Variants in PIGG observed in about 807,000 individuals in gnomAD.
PIGG encodes the protein GPI ethanolamine phosphate transferase 2, catalytic subunit.
A neutral mutation model predicts 83.2 loss-of-function variants in PIGG; 70 were observed. That is an observed-to-expected ratio of 0.84 (90% CI 0.69 to 1.03). The LOEUF (loss-of-function observed/expected upper bound fraction) is 1.03. Among genes scored for constraint, PIGG ranks in the 50% least tolerant of loss-of-function variants. PIGG has a pLI of 0.00. For synonymous variants in PIGG, 532 were observed against 519.5 expected, an observed-to-expected ratio of 1.02 and a Z score of -0.33; for missense variants, 1,257 against 1,233.6, an observed-to-expected ratio of 1.02 and a Z score of -0.28.
At chr4:536,025 G>T (rs943127154) in intron 12 of PIGG, among the ~76,000 whole-genome samples, 1 of 152,234 alleles carries the variant, frequency 6.6e-6, no homozygotes, top group Non-Finnish European at 1.5e-5. Context: ...ACCCGTGCCT[G>T]CCTTTGAGCT....
At chr4:511,524 C>T (rs893120674) in intron 5 of PIGG, among the ~76,000 whole-genome samples, 4 of 152,184 alleles carry the variant, frequency 2.6e-5, no homozygotes, top group Non-Finnish European at 5.9e-5. Flanking sequence ...GCTGTGCCCC[C>T]ACCCGCCACC....
chr4:501,760 A>G (rs554766489), intron 2 of PIGG: 1 of 153,630 alleles, frequency 6.5e-6, no homozygotes, highest in East Asian at 1.9e-4. Flanking sequence ...TTGAGCATCT[A>G]CTGTGTGCCA....
chr4:537,775 C>G (rs1366323918), intron 12 of PIGG, among the ~76,000 whole-genome samples: 5 of 152,104 alleles, frequency 3.3e-5, no homozygotes, highest in African/African-American at 1.2e-4. Flanking sequence ...GAGGATGGGC[C>G]CCTCCAAGGC....
At chr4:526,903 A>G in intron 9 of PIGG, 136 bp from the exon 10 acceptor site, 1 of 992,938 alleles carries the variant, frequency 1.0e-6, no homozygotes, top group South Asian at 1.7e-5. Flanking sequence ...GAAAATAAAA[A>G]TCAACAATTT....
intron 1 of PIGG, 124 bp from the exon 2 acceptor site, chr4:500,272 G>T (rs781914279): frequency 2.3e-5 from 16 of 701,830 alleles, no homozygotes; most frequent in Non-Finnish European, 3.3e-5. Context: ...CCTCCTTTTG[G>T]GTTGGGTTAT....
Position 533,938 on chromosome 4 carries a change from T to C in PIGG, c.2692T>C (p.Trp898Arg). 8.1e-6 allele frequency: 13 copies of C among 1,614,170 alleles called. No individual in the cohort carries two copies. The highest frequency in any genetic ancestry group is 1.1e-5 in the Non-Finnish European group (13 of 1,180,014). The change falls in exon 12 of 13, where the codon TGG (tryptophan) becomes CGG (arginine). Residue 898 changes from tryptophan to arginine, a missense_variant. Transcript: ENST00000453061. ...TGGGACGTACGCAGGGCCTGTGCTGTGGGCCAGCCACTTAGTGCACTTCCT... is the reference window on the plus strand; with the variant it reads ...TGGGACGTACGCAGGGCCTGTGCTGCGGGCCAGCCACTTAGTGCACTTCCT... ...AFGTYAGPVLWASHLVHFLSS... is the reference protein window; with the variant it reads ...AFGTYAGPVLRASHLVHFLSS...
At chr4:517,338 C>A (rs911957071) in intron 6 of PIGG, among the ~76,000 whole-genome samples, 3 of 152,086 alleles carry the variant, frequency 2.0e-5, no homozygotes, top group African/African-American at 7.2e-5. Context: ...TTCTGAAGGT[C>A]ATGAAGACAG....
At chr4:499,651 T>G in intron 1 of PIGG, 162 bp downstream of exon 1, 1 of 1,417,804 alleles carries the variant, frequency 7.1e-7, no homozygotes, top group Non-Finnish European at 9.2e-7. Context: ...CAGCGTCTCT[T>G]TTCTGTATTC....
rs1003083759 is a variant in PIGG, at chr4:500,618, G to A, written c.360+17G>A. 1 of 1,492,608 alleles carries A rather than the reference G, an allele frequency of 6.7e-7. No homozygotes were observed. Among genetic ancestry groups the A allele is most frequent in the Non-Finnish European group, 9.4e-7 (1 of 1,069,322 alleles). The allele number at this position is 1,492,608 out of a possible 1,614,324, so 92.5% of individuals were successfully genotyped here. ...CGAATCAAGGTAAGTTTGCCTTAAT[G>A]TTTTATGAATCATGGTTTGGCTGTT... On this transcript the variant is annotated intron_variant, in intron 2 of 12. Transcript: ENST00000453061.
intron 10 of PIGG, among the ~76,000 whole-genome samples, chr4:529,923 C>T (rs1206373969): frequency 2.0e-5 from 3 of 152,346 alleles, no homozygotes; most frequent in Middle Eastern, 3.4e-3. Context: ...TGCACCACTG[C>T]ACGCGTGTGT....
chr4:504,850 C>T (rs973567626), intron 2 of PIGG, among the ~76,000 whole-genome samples: 2 of 152,142 alleles, frequency 1.3e-5, no homozygotes, highest in Non-Finnish European at 2.9e-5. Context: ...GGCAAGTCAC[C>T]TCCCACCCCT....
chr4:509,054 T>A, intron 5 of PIGG, 84 bp downstream of exon 5: 4 of 1,206,804 alleles, frequency 3.3e-6, no homozygotes, highest in Non-Finnish European at 4.7e-6. Flanking sequence ...AACCTATTTT[T>A]TAGAAGCTCC....
rs1373439401 is a variant in PIGG, at chr4:526,254, G to A, written c.2070-785G>A. On this transcript the variant is annotated intron_variant, in intron 9 of 12. Transcript: ENST00000453061. Reference sequence around the variant, plus strand: ...AAAGCAACAATACACAGACACCCAGGTACCCCTTCCCGGGGTGAGGCCCAG... The same window carrying A: ...AAAGCAACAATACACAGACACCCAGATACCCCTTCCCGGGGTGAGGCCCAG... Among the ~76,000 whole-genome samples the A allele has an allele frequency of 3.3e-5, 5 of 152,326 alleles. No individual in the cohort carries two copies. In the East Asian group the frequency reaches 9.6e-4, roughly 29 times the overall value.
chr4:530,940 G>A (rs1728907812), intron 11 of PIGG, 195 bp downstream of exon 11: 2 of 569,712 alleles, frequency 3.5e-6, no homozygotes, highest in Non-Finnish European at 3.1e-6. Flanking sequence ...GTGTGGATGT[G>A]TGGGTGCTTA....
In PIGG at chr4:540,177, ATAAATGT is replaced by A. The variant is rs1235254186; in HGVS notation, c.*810_*816del. On this transcript the variant is annotated 3_prime_UTR_variant, in exon 13 of 13. Transcript: ENST00000453061. ...AGACTCTTGTCTTTAAAATGAAAAA[ATAAATGT>A]TTAATGAGAAAAGTGATAATGTTTT... 6.6e-6 allele frequency: 1 copy of A among 151,270 alleles called. No individual in the cohort carries two copies. Among genetic ancestry groups the A allele is most frequent in the African/African-American group, 2.4e-5 (1 of 40,924 alleles). The allele number at this position is 151,270 out of a possible 1,614,324, so 9.4% of individuals were successfully genotyped here.
intron 5 of PIGG, among the ~76,000 whole-genome samples, chr4:510,032 GA>G (rs1553882415): frequency 6.6e-6 from 1 of 152,108 alleles, no homozygotes; most frequent in Non-Finnish European, 1.5e-5. Flanking sequence ...ATCTTTTTAT[GA>G]AGCTTCTTGG....
chr4:531,003 C>T (rs185158034), intron 11 of PIGG: 17 of 482,234 alleles, frequency 3.5e-5, no homozygotes, highest in Non-Finnish European at 5.8e-5. Context: ...TTATTACAAG[C>T]AGTTCAGGAA....
intron 11 of PIGG, 73 bp from the exon 12 acceptor site, chr4:533,745 G>GCTCACGCTAACATCGTA (rs1560376851): frequency 1.8e-5 from 25 of 1,408,840 alleles, no homozygotes; most frequent in African/African-American, 7.1e-5. Flanking sequence ...CTAACATCGT[G>GCTCACGCTAACATCGTA]GCTCACGCTA....
rs140413951 is a variant in PIGG, at chr4:507,513, C to G, written c.679C>G (p.Pro227Ala). Residue 227 changes from proline (P) to alanine (A), a missense_variant, in exon 4 of 13, where the codon CCC becomes GCC. Transcript: ENST00000453061. Reference protein sequence around the residue: ...GLDHIGHISGPNSPLIGQKLS... With the variant: ...GLDHIGHISGANSPLIGQKLS... ...GGACCACATTGGCCACATTTCAGGG[C>G]CCAACAGCCCCCTGATTGGGCAGAA... The G allele has an allele frequency of 1.6e-5, 26 of 1,614,000 alleles. No homozygotes were observed. The highest frequency in any genetic ancestry group is 2.2e-5 in the Non-Finnish European group (26 of 1,179,954).
Sources: allele counts gnomAD v4.1 joint callset (sites outside exome capture counted in the v4.1 genomes callset), GRCh38; gene constraint gnomAD v4.1.1; transcripts MANE v1.5; gene names NCBI Gene and HGNC (gene_info 2026-07-23, HGNC 2026-07-21).